Variants in SFI1 observed in about 807,000 individuals in gnomAD.
SFI1 encodes the protein SFI1 centrin binding protein.
A neutral mutation model predicts 207.5 loss-of-function variants in SFI1; 195 were observed. The ratio of observed to expected loss-of-function variants is 0.94; its 90% CI spans 0.84 to 1.06. SFI1 has a LOEUF of 1.06. Ranked by LOEUF, SFI1 falls within the 50% of genes least tolerant of loss-of-function variation. The probability of loss-of-function intolerance (pLI) is 0.00; values close to 1 mark genes in which losing one functional copy is unlikely to be tolerated. For synonymous variants in SFI1, 630 were observed against 598.9 expected, an observed-to-expected ratio of 1.05 and a Z score of -0.76; for missense variants, 1,634 against 1,588.0, an observed-to-expected ratio of 1.03 and a Z score of -0.49.
intron 6 of SFI1, among the ~76,000 whole-genome samples, chr22:31,554,004 G>GT: frequency 6.6e-6 from 1 of 150,952 alleles, no homozygotes; most frequent in Middle Eastern, 3.4e-3. Context: ...ACCTGGCTAA[G>GT]TTTTTTATAT....
intron 6 of SFI1, among the ~76,000 whole-genome samples, chr22:31,555,614 T>C (rs2061088132): frequency 6.6e-6 from 1 of 152,226 alleles, no homozygotes; most frequent in African/African-American, 2.4e-5. Flanking sequence ...TTTTAGATAT[T>C]TTTCATAGTT....
intron 14 of SFI1, 22 bp from the exon 15 acceptor site, chr22:31,589,425 G>T: frequency 6.3e-7 from 1 of 1,581,338 alleles, no homozygotes; most frequent in Middle Eastern, 1.7e-4. Flanking sequence ...AAGTACAAAG[G>T]TTATTCATTC....
intron 2 of SFI1, among the ~76,000 whole-genome samples, chr22:31,511,328 C>G (rs1353099859): frequency 6.6e-6 from 1 of 152,098 alleles, no homozygotes; most frequent in Non-Finnish European, 1.5e-5. Flanking sequence ...TCCTCGTAAG[C>G]TGAACCAGCA....
At chr22:31,531,665 G>A (rs1457064734) in intron 4 of SFI1, among the ~76,000 whole-genome samples, 2 of 152,000 alleles carry the variant, frequency 1.3e-5, no homozygotes, top group African/African-American at 4.8e-5. Flanking sequence ...AGGCCAAGGT[G>A]GGCGGGTCAC....
At chr22:31,579,821 A>G (rs1366129271) in intron 11 of SFI1, among the ~76,000 whole-genome samples, 1 of 152,188 alleles carries the variant, frequency 6.6e-6, no homozygotes, top group Non-Finnish European at 1.5e-5. Flanking sequence ...CTTTCACTAA[A>G]GATTCCTTCT....
intron 15 of SFI1, among the ~76,000 whole-genome samples, chr22:31,593,441 G>A (rs1369624396): frequency 7.1e-6 from 1 of 141,052 alleles, no homozygotes; most frequent in Non-Finnish European, 1.6e-5. Context: ...ATGTGATGGC[G>A]GCTGGGAAGA....
chr22:31,560,977 ACAGGTGTAAGCCACCGTAC>A (rs2061646040), intron 7 of SFI1, among the ~76,000 whole-genome samples: 1 of 152,164 alleles, frequency 6.6e-6, no homozygotes, highest in Non-Finnish European at 1.5e-5. Flanking sequence ...TGCTGTGATT[ACAGGTGTAAGCCACCGTAC>A]CAGGCCATAA....
At chr22:31,536,126 C>T (rs1160402614) in intron 4 of SFI1, among the ~76,000 whole-genome samples, 1 of 152,114 alleles carries the variant, frequency 6.6e-6, no homozygotes, top group Non-Finnish European at 1.5e-5. Context: ...TGTTTCTCCT[C>T]CATATGAAGC....
chr22:31,567,972 G>A (rs1323436922), intron 8 of SFI1, among the ~76,000 whole-genome samples: 1 of 152,062 alleles, frequency 6.6e-6, no homozygotes, highest in Non-Finnish European at 1.5e-5. Flanking sequence ...AAGTGTTATT[G>A]TTGCTAGGAG....
intron 31 of SFI1, among the ~76,000 whole-genome samples, chr22:31,617,784 C>T (rs530019626): frequency 6.6e-6 from 1 of 151,990 alleles, no homozygotes; most frequent in East Asian, 1.9e-4. Context: ...GGTCTGGGGA[C>T]CATTCAACAT....
chr22:31,508,742 A>G (rs903274498), intron 2 of SFI1, among the ~76,000 whole-genome samples: 33 of 152,078 alleles, frequency 2.2e-4, no homozygotes, highest in Admixed American at 4.6e-4. Context: ...TATCTCTCCA[A>G]TGAAGCTCTC....
At position 31,613,502 on chromosome 22, in the gene SFI1, A is replaced by G; in HGVS notation, c.2714A>G (p.Gln905Arg). ...RFAASMKASR[Q>R]QLQAQQQVQA... ...GCAGCCAGCATGAAGGCCTCCCGGC[A>G]GCAGCTGCAGGCCCAGCAGCAGGTC... The change falls in exon 26 of 33, where the codon CAG (glutamine) becomes CGG (arginine). Residue 905 changes from glutamine (Q) to arginine (R), a missense_variant. Transcript: ENST00000400288. The G allele has an allele frequency of 6.3e-7, 1 of 1,593,072 alleles. No individual in the cohort carries two copies. Among genetic ancestry groups the G allele is most frequent in the Non-Finnish European group, 8.5e-7 (1 of 1,174,798 alleles).
chr22:31,539,426 T>C (rs972467572), intron 4 of SFI1, among the ~76,000 whole-genome samples: 1 of 152,232 alleles, frequency 6.6e-6, no homozygotes, highest in Non-Finnish European at 1.5e-5. Flanking sequence ...TCTGCTGTCA[T>C]ATTTTTAATT....
intron 1 of SFI1, among the ~76,000 whole-genome samples, chr22:31,498,720 C>T (rs1445811198): frequency 6.6e-6 from 1 of 151,846 alleles, no homozygotes; most frequent in African/African-American, 2.4e-5. Context: ...CTGAGAGACT[C>T]AAGACCCGAG....
chr22:31,572,064 G>A (rs546861644), intron 8 of SFI1, among the ~76,000 whole-genome samples: 3 of 152,294 alleles, frequency 2.0e-5, no homozygotes, highest in Admixed American at 2.0e-4. Context: ...GGGGACTGAC[G>A]TTGGTGGGAG....
intron 1 of SFI1, among the ~76,000 whole-genome samples, chr22:31,507,527 T>G (rs2054821806): frequency 6.6e-6 from 1 of 152,096 alleles, no homozygotes; most frequent in Non-Finnish European, 1.5e-5. Flanking sequence ...CTAATTAAAC[T>G]AAAGCACTTC....
chr22:31,541,341 C>G (rs1360513911), intron 4 of SFI1, among the ~76,000 whole-genome samples: 2 of 152,112 alleles, frequency 1.3e-5, no homozygotes, highest in Non-Finnish European at 2.9e-5. Context: ...TTCTCTTGGT[C>G]TTTTTAGGCT....
At chr22:31,606,253 G>C in intron 20 of SFI1, 75 bp from the exon 21 acceptor site, 6 of 1,353,250 alleles carry the variant, frequency 4.4e-6, no homozygotes, top group Non-Finnish European at 6.3e-6. Context: ...GGAAGAAGTA[G>C]GAATGATTCA....
At chr22:31,609,918 C>T (rs2069772755) in intron 22 of SFI1, among the ~76,000 whole-genome samples, 1 of 152,196 alleles carries the variant, frequency 6.6e-6, no homozygotes, top group Non-Finnish European at 1.5e-5. Flanking sequence ...CCACTCCTGG[C>T]CATGGTGGGA....
Sources: allele counts gnomAD v4.1 joint callset (sites outside exome capture counted in the v4.1 genomes callset), GRCh38; gene constraint gnomAD v4.1.1; transcripts MANE v1.5; gene names NCBI Gene and HGNC (gene_info 2026-07-23, HGNC 2026-07-21).